Variants in TMC5 observed in about 807,000 individuals in gnomAD.
TMC5 encodes transmembrane channel-like protein 5.
In TMC5, 86 loss-of-function variants were observed where a neutral mutation model predicts 110.5. The observed-to-expected ratio is 0.78, with a 90% CI of 0.65 to 0.93. The LOEUF (loss-of-function observed/expected upper bound fraction) is 0.93, where lower values mean the gene tolerates loss of function less well. TMC5 is among the 40% of genes least tolerant of loss of function. The pLI is 0.00. For missense variants in TMC5, 1,144 were observed against 1,222.8 expected (o/e 0.94, Z 0.96); for synonymous variants, 455 against 439.5 (o/e 1.04, Z -0.44).
chr16:19,477,401 C>T, intron 12 of TMC5, 39 bp from the exon 13 acceptor site: 1 of 1,425,092 alleles, frequency 7.0e-7, no homozygotes, highest in Non-Finnish European at 9.9e-7. Flanking sequence ...TGAAAGACTG[C>T]CATTGAAGGT....
chr16:19,432,725 ATAC>A (rs1427255403), intron 2 of TMC5, among the ~76,000 whole-genome samples: 1 of 152,208 alleles, frequency 6.6e-6, no homozygotes, highest in Non-Finnish European at 1.5e-5. Context: ...CAGATGTGCA[ATAC>A]ACAAGCTCTT....
At position 19,474,156 on chromosome 16, in the gene TMC5, T is replaced by C; in HGVS notation, c.1970T>C (p.Val657Ala). Reference protein sequence around the residue: ...FLKTHSNPGAVLLLPFVVSCI... With the variant: ...FLKTHSNPGAALLLPFVVSCI... ...AAGACACACAGTAACCCTGGGGCGG[T>C]GCTGTTACTGCCTTTCGTTGTGTCC... is the stretch of plus-strand genomic sequence containing the variant. Residue 657 changes from valine (V) to alanine (A), a missense_variant, in exon 12 of 22, where the codon GTG (valine) becomes GCG (alanine). Coordinates refer to ENST00000542583, the MANE Select transcript of TMC5 (RefSeq NM_001261841.2). 1 of 1,613,950 alleles carries C rather than the reference T, an allele frequency of 6.2e-7. No homozygotes were observed. Among genetic ancestry groups the C allele is most frequent in the Admixed American group, 1.7e-5 (1 of 59,998 alleles).
intron 2 of TMC5, among the ~76,000 whole-genome samples, chr16:19,437,502 C>T (rs1297671582): frequency 1.3e-5 from 2 of 152,288 alleles, no homozygotes; most frequent in Non-Finnish European, 2.9e-5. Flanking sequence ...GGTTGGCACA[C>T]GGACATTCTG....
At chr16:19,422,298 A>G (rs570636376) in intron 1 of TMC5, among the ~76,000 whole-genome samples, 8 of 149,750 alleles carry the variant, frequency 5.3e-5, no homozygotes, top group East Asian at 3.9e-4. Context: ...AAAGGGGGGG[A>G]AAAGAGAGAG....
intron 12 of TMC5, chr16:19,477,066 G>A (rs1401752507): frequency 9.2e-6 from 2 of 218,176 alleles, no homozygotes; most frequent in East Asian, 3.2e-4. Context: ...CTAACATGGT[G>A]AAATCCCGTC....
At chr16:19,431,653 A>G (rs1027967616) in intron 2 of TMC5, among the ~76,000 whole-genome samples, 1 of 151,902 alleles carries the variant, frequency 6.6e-6, no homozygotes, top group East Asian at 1.9e-4. Context: ...GTGCTGGTCA[A>G]TTTGCTGTTT....
At chr16:19,460,083 GT>G in intron 5 of TMC5, 151 bp from the exon 6 acceptor site, 11 of 506,388 alleles carry the variant, frequency 2.2e-5, no homozygotes, top group South Asian at 9.3e-5. Context: ...ACATATATGT[GT>G]TTTTTTTGTT....
In TMC5 at chr16:19,469,826, G is replaced by C; in HGVS notation, c.1782+1G>C. Reference sequence around the variant, plus strand: ...GAAGAATCTTAGCACTGAGATAAGGGTAAGGCGAGCTCACTTTACTCATTT... The same window carrying C: ...GAAGAATCTTAGCACTGAGATAAGGCTAAGGCGAGCTCACTTTACTCATTT... On this transcript the variant is annotated splice_donor_variant, in intron 10 of 21. Transcript: ENST00000542583. LOFTEE classifies it high-confidence loss of function. The C allele has an allele frequency of 6.2e-7, 1 of 1,613,856 alleles. No individual in the cohort carries two copies. The highest frequency in any genetic ancestry group is 8.5e-7 in the Non-Finnish European group (1 of 1,179,848).
Position 19,464,041 on chromosome 16 carries a change from C to G in TMC5, c.1485+17C>G. 6.2e-7 allele frequency: 1 copy of G among 1,611,200 alleles called. No individual in the cohort carries two copies. Among genetic ancestry groups the G allele is most frequent in the Non-Finnish European group, 8.5e-7 (1 of 1,178,456 alleles). ...ACTGGGGTGGTAAGTCCTCCACTTC[C>G]CCTACCCCAAGTGCACCAATCACCT... On this transcript the variant is annotated intron_variant, in intron 8 of 21. Coordinates refer to ENST00000542583, the MANE Select transcript of TMC5 (RefSeq NM_001261841.2).
rs755690820 is a variant in TMC5, at chr16:19,440,686, T to G, written c.648T>G (p.Ser216=). The G allele has an allele frequency of 6.2e-7, 1 of 1,614,154 alleles. No individual in the cohort carries two copies. The highest frequency in any genetic ancestry group is 8.5e-7 in the Non-Finnish European group (1 of 1,180,020). ...CAGGCGCTGACATTCAACCTAACTC[T>G]CCACCCTTTTTTGGGGAGCCAGACT... ...DYPGADIQPN[S]PPFFGEPDYP... The change falls in exon 3 of 22, where the codon TCT becomes TCG. Residue 216 remains serine (S), a synonymous_variant. Coordinates refer to ENST00000542583, the MANE Select transcript of TMC5 (RefSeq NM_001261841.2).
chr16:19,451,590 G>C lies in TMC5; in HGVS notation c.1048+1959G>C, dbSNP rs566759520. ...TACTCAACAACCATCAACACAGAAG[G>C]CTTCTGTGAACAAATGGGTGGGGGT... On this transcript the variant is annotated intron_variant, in intron 5 of 21. Transcript: ENST00000542583. 5.3e-4 allele frequency among the ~76,000 whole-genome samples: 81 copies of C among 152,112 alleles called. No homozygotes were observed. The Middle Eastern group carries it at 0.01, about 19-fold the overall frequency.
intron 20 of TMC5, among the ~76,000 whole-genome samples, chr16:19,495,655 C>T (rs1174405790): frequency 6.6e-6 from 1 of 151,920 alleles, no homozygotes; most frequent in Non-Finnish European, 1.5e-5. Context: ...AGTTTAAGAC[C>T]AACATAGCGA....
At chr16:19,471,445 G>C (rs900317769) in intron 10 of TMC5, among the ~76,000 whole-genome samples, 7 of 152,294 alleles carry the variant, frequency 4.6e-5, no homozygotes, top group African/African-American at 1.7e-4. Flanking sequence ...TCTCAGTGTA[G>C]ATACCCAACC....
intron 1 of TMC5, among the ~76,000 whole-genome samples, chr16:19,429,518 G>A (rs570705891): frequency 3.9e-5 from 6 of 152,272 alleles, no homozygotes; most frequent in Non-Finnish European, 7.4e-5. Flanking sequence ...GCAAGCAAAC[G>A]AAATCAATGT....
At chr16:19,494,215 T>C (rs1968990558) in intron 19 of TMC5, 47 bp from the exon 20 acceptor site, 2 of 1,438,448 alleles carry the variant, frequency 1.4e-6, no homozygotes, top group Non-Finnish European at 1.9e-6. Flanking sequence ...ATACCATCAT[T>C]CATTCATATT....
At chr16:19,442,216 C>T (rs1447188858) in intron 3 of TMC5, among the ~76,000 whole-genome samples, 1 of 152,090 alleles carries the variant, frequency 6.6e-6, no homozygotes, top group Non-Finnish European at 1.5e-5. Flanking sequence ...ACAAATTTTA[C>T]CAAATGCAGT....
rs567067723 is a variant in TMC5 at position 19,477,454 on chromosome 16, A to G, written c.2105A>G (p.Lys702Arg). 6.2e-7 allele frequency: 1 copy of G among 1,612,530 alleles called. No homozygotes were observed. Among genetic ancestry groups the G allele is most frequent in the Admixed American group, 1.7e-5 (1 of 59,880 alleles). ...CTTCTGTTTAGAAACATCTTTTTGA[A>G]AATATCAATCATTGGCATTCTTTGT... is the stretch of plus-strand genomic sequence containing the variant. The part of the protein sequence containing the change: ...YVLLIRNIFL[K>R]ISIIGILCYY... The change falls in exon 13 of 22, where the codon AAA (lysine) becomes AGA (arginine). Residue 702 changes from lysine to arginine, a missense_variant. By Grantham distance (26) the Lys-to-Arg change is conservative. Coordinates refer to ENST00000542583, the MANE Select transcript of TMC5 (RefSeq NM_001261841.2).
At chr16:19,429,357 A>G (rs1967149674) in intron 1 of TMC5, among the ~76,000 whole-genome samples, 1 of 152,194 alleles carries the variant, frequency 6.6e-6, no homozygotes, top group Admixed American at 6.5e-5. Flanking sequence ...TGCTATTTAG[A>G]GACTATTGAC....
At chr16:19,457,709 CTTTTTTTTTTTTTTTTTT>C (rs573979829) in intron 5 of TMC5, among the ~76,000 whole-genome samples, 56 of 43,926 alleles carry the variant, frequency 1.3e-3, no homozygotes, top group African/African-American at 2.5e-3. Context: ...AGACTACATT[CTTTTTTTTTTTTTTTTTT>C]TTTTTTTTTT....
Sources: gnomAD v4.1 joint callset for allele counts (sites outside exome capture counted in the v4.1 genomes callset) on GRCh38, gnomAD v4.1.1 for gene constraint, MANE v1.5 for transcripts, NCBI Gene and HGNC (gene_info 2026-07-23, HGNC 2026-07-21) for gene names.